KCTD8: variants seen among roughly 807,000 people sequenced by gnomAD.
KCTD8 encodes the protein potassium channel tetramerization domain containing 8.
Under a neutral mutation model 31.5 loss-of-function variants are expected in KCTD8, and 27 were observed. The observed-to-expected ratio is 0.86, with a 90% CI of 0.63 to 1.18. The LOEUF (loss-of-function observed/expected upper bound fraction) is 1.18. Among genes scored for constraint, KCTD8 ranks in the 50% most tolerant of loss-of-function variants. The pLI, the probability that KCTD8 is intolerant of heterozygous loss-of-function variation, is 0.00. For missense variants in KCTD8, 658 were observed against 647.7 expected (o/e 1.02, Z -0.17); for synonymous variants, 290 against 280.0 (o/e 1.04, Z -0.36).
intron 1 of KCTD8, among the ~76,000 whole-genome samples, chr4:44,385,999 G>A (rs1247459747): frequency 6.6e-6 from 1 of 151,484 alleles, no homozygotes; most frequent in East Asian, 1.9e-4. Context: ...AAATGCCAAT[G>A]AGGTACCACG....
chr4:44,204,787 A>C (rs1714253957), intron 1 of KCTD8, among the ~76,000 whole-genome samples: 1 of 152,110 alleles, frequency 6.6e-6, no homozygotes, highest in Non-Finnish European at 1.5e-5. Flanking sequence ...AAGATTTTTA[A>C]AATTAAAGAA....
At chr4:44,412,622 T>G (rs1720989661) in intron 1 of KCTD8, among the ~76,000 whole-genome samples, 1 of 152,128 alleles carries the variant, frequency 6.6e-6, no homozygotes, top group Non-Finnish European at 1.5e-5. Context: ...AAAATTAGCC[T>G]TCTAGGAAAG....
Position 44,256,632 on chromosome 4 carries a change from C to A in KCTD8, c.962-81382G>T, listed in dbSNP as rs111503201. Among the ~76,000 whole-genome samples, 1,271 of 151,844 alleles carry A rather than the reference C, an allele frequency of 8.4e-3. 22 individuals carry two copies. Among genetic ancestry groups the A allele is most frequent in the African/African-American group, 0.029 (1,211 of 41,432 alleles). On this transcript the variant is annotated intron_variant, in intron 1 of 1. Coordinates refer to ENST00000360029, the MANE Select transcript of KCTD8 (RefSeq NM_198353.3). Reference sequence around the variant, plus strand: ...AAGGGTCACAAGATGGGGTACTTATCCTGTATAATCTGAGCGAGCCTGGTG... The same window carrying A: ...AAGGGTCACAAGATGGGGTACTTATACTGTATAATCTGAGCGAGCCTGGTG...
intron 1 of KCTD8, among the ~76,000 whole-genome samples, chr4:44,306,188 A>C (rs1717798061): frequency 6.6e-6 from 1 of 152,044 alleles, no homozygotes; most frequent in Non-Finnish European, 1.5e-5. Context: ...GAAGATTATA[A>C]ATAGAAAATG....
intron 1 of KCTD8, among the ~76,000 whole-genome samples, chr4:44,317,228 C>CTTTTATTTT (rs1718157169): frequency 5.5e-5 from 2 of 36,536 alleles, no homozygotes; most frequent in Admixed American, 4.9e-4. Flanking sequence ...TGGGTGCTTT[C>CTTTTATTTT]TTTTTTTTTT....
chr4:44,265,268 C>T (rs995948705), intron 1 of KCTD8, among the ~76,000 whole-genome samples: 1 of 152,124 alleles, frequency 6.6e-6, no homozygotes, highest in Admixed American at 6.5e-5. Context: ...CCGCTGCTGA[C>T]ACCCAGGCAA....
At chr4:44,417,747 G>A (rs78477304) in intron 1 of KCTD8, among the ~76,000 whole-genome samples, 3 of 9,226 alleles carry the variant, frequency 3.3e-4, no homozygotes, top group Non-Finnish European at 1.0e-3. Flanking sequence ...TAGACCTATT[G>A]TCCTGAACAA....
At chr4:44,191,179 G>A (rs1051266642) in intron 1 of KCTD8, among the ~76,000 whole-genome samples, 1 of 152,108 alleles carries the variant, frequency 6.6e-6, no homozygotes, top group African/African-American at 2.4e-5. Context: ...AGATTTCATG[G>A]AAATGTATTG....
At chr4:44,208,513 T>C (rs985911397) in intron 1 of KCTD8, among the ~76,000 whole-genome samples, 10 of 152,308 alleles carry the variant, frequency 6.6e-5, no homozygotes, top group Admixed American at 4.6e-4. Flanking sequence ...GGTGACAAGA[T>C]AGAATACAAA....
chr4:44,424,176 G>T (rs1465733630), intron 1 of KCTD8, among the ~76,000 whole-genome samples: 1 of 152,008 alleles, frequency 6.6e-6, no homozygotes, highest in Admixed American at 6.6e-5. Flanking sequence ...ACCAGTATGG[G>T]TTAGTCAGTC....
chr4:44,226,134 A>T (rs1233045577), intron 1 of KCTD8, among the ~76,000 whole-genome samples: 1 of 151,592 alleles, frequency 6.6e-6, no homozygotes, highest in Admixed American at 6.6e-5. Context: ...GGCCCTCCTC[A>T]TCTAGGTTTT....
chr4:44,325,658 GATAAAATAAAATAA>G (rs1163003958), intron 1 of KCTD8, among the ~76,000 whole-genome samples: 1 of 151,686 alleles, frequency 6.6e-6, no homozygotes, highest in Non-Finnish European at 1.5e-5. Context: ...TAATAAAAGT[GATAAAATAAAATAA>G]ATATTGAGGC....
chr4:44,375,061 A>T (rs1384566193), intron 1 of KCTD8, among the ~76,000 whole-genome samples: 1 of 152,214 alleles, frequency 6.6e-6, no homozygotes, highest in Non-Finnish European at 1.5e-5. Context: ...AAGTATTATG[A>T]CATTCATTCA....
At chr4:44,235,525 T>TATATATA (rs1715250791) in intron 1 of KCTD8, among the ~76,000 whole-genome samples, 1 of 55,064 alleles carries the variant, frequency 1.8e-5, no homozygotes, top group Non-Finnish European at 3.8e-5. Flanking sequence ...AGACACTGGA[T>TATATATA]TATATATATA....
At chr4:44,206,767 C>T (rs1714324191) in intron 1 of KCTD8, among the ~76,000 whole-genome samples, 1 of 152,118 alleles carries the variant, frequency 6.6e-6, no homozygotes, top group East Asian at 1.9e-4. Context: ...TGGGCTTAAC[C>T]ACTTCTTGGC....
chr4:44,175,398 G>A, intron 1 of KCTD8, 148 bp from the exon 2 acceptor site: 1 of 514,920 alleles, frequency 1.9e-6, no homozygotes, highest in East Asian at 3.0e-5. Context: ...CTAGGTTTGT[G>A]AGATTAAATA....
intron 1 of KCTD8, among the ~76,000 whole-genome samples, chr4:44,227,848 T>A (rs1715009330): frequency 6.6e-6 from 1 of 152,168 alleles, no homozygotes; most frequent in Non-Finnish European, 1.5e-5. Flanking sequence ...CATCTTTTAT[T>A]CCAGCACCTA....
At chr4:44,187,157 T>A (rs1161420928) in intron 1 of KCTD8, among the ~76,000 whole-genome samples, 1 of 152,212 alleles carries the variant, frequency 6.6e-6, no homozygotes, top group Non-Finnish European at 1.5e-5. Context: ...TAAAGAGAAA[T>A]AAATTACTTG....
intron 1 of KCTD8, among the ~76,000 whole-genome samples, chr4:44,243,782 A>T (rs1334358513): frequency 6.6e-6 from 1 of 152,260 alleles, no homozygotes; most frequent in East Asian, 1.9e-4. Context: ...GAAGAGAAAA[A>T]GCAAAAGAAA....
Sources: gnomAD v4.1 joint callset for allele counts (sites outside exome capture counted in the v4.1 genomes callset) on GRCh38, gnomAD v4.1.1 for gene constraint, MANE v1.5 for transcripts, NCBI Gene and HGNC (gene_info 2026-07-23, HGNC 2026-07-21) for gene names.